RAB37: variants seen among roughly 807,000 people sequenced by gnomAD.
RAB37 encodes ras-related protein Rab-37.
A neutral mutation model predicts 33.1 loss-of-function variants in RAB37; 29 were observed. The observed-to-expected ratio is 0.88, with a 90% confidence interval of 0.65 to 1.20. The LOEUF (loss-of-function observed/expected upper bound fraction) is 1.20. RAB37 is among the 50% of genes most tolerant of loss of function. The probability of loss-of-function intolerance (pLI) is 0.00; values close to 1 mark genes in which losing one functional copy is unlikely to be tolerated. For synonymous variants in RAB37, 128 were observed against 119.5 expected (o/e 1.07, Z -0.47); for missense variants, 299 against 301.1 (o/e 0.99, Z 0.05).
chr17:74,684,599 C>G (rs1363386154), intron 1 of RAB37, among the ~76,000 whole-genome samples: 2 of 151,910 alleles, frequency 1.3e-5, no homozygotes, highest in African/African-American at 2.4e-5. Context: ...AACAGCCTGA[C>G]CAACATGACG....
intron 1 of RAB37, among the ~76,000 whole-genome samples, chr17:74,720,322 C>T (rs937024466): frequency 6.6e-5 from 10 of 152,176 alleles, no homozygotes; most frequent in African/African-American, 2.2e-4. Context: ...TGGTGGCTCA[C>T]GACTGTAATG....
chr17:74,690,733 A>G (rs2032143467), intron 1 of RAB37, among the ~76,000 whole-genome samples: 1 of 152,188 alleles, frequency 6.6e-6, no homozygotes, highest in Non-Finnish European at 1.5e-5. Context: ...GAGAGAACCC[A>G]GACACTTCCT....
Position 74,746,802 on chromosome 17 carries a change from C to T in RAB37, c.*1391C>T, listed in dbSNP as rs2034770536. On this transcript the variant is annotated 3_prime_UTR_variant, in exon 9 of 9. Coordinates refer to ENST00000392613, the MANE Select transcript of RAB37 (RefSeq NM_001006638.3). This position sits in a 1 kb window ranked among gnomAD's most constrained non-coding sequence, Gnocchi z 5.2. ...TTTCCTTTAACTTCTCAAACAGATA[C>T]CAGGGCCTAAACTGCTTTACCTCCC... 6.6e-6 allele frequency: 1 copy of T among 152,254 alleles called. No homozygotes were observed. The highest frequency in any genetic ancestry group is 2.4e-5 in the African/African-American group (1 of 41,438). The allele number at this position is 152,254 out of a possible 1,614,324, so 9.4% of individuals were successfully genotyped here.
At chr17:74,672,974 T>C (rs1568051233) in intron 1 of RAB37, 1 of 152,232 alleles carries the variant, frequency 6.6e-6, no homozygotes, top group Non-Finnish European at 1.5e-5. Flanking sequence ...CCTCCAGGTC[T>C]CTGAATTCCT....
chr17:74,726,106 G>C (rs2034302917), intron 1 of RAB37, among the ~76,000 whole-genome samples: 2 of 151,866 alleles, frequency 1.3e-5, no homozygotes, highest in Admixed American at 6.6e-5. Context: ...GTGGTGGCGG[G>C]CGCCTGTAGT....
intron 1 of RAB37, among the ~76,000 whole-genome samples, chr17:74,719,108 G>A (rs573659125): frequency 3.3e-5 from 5 of 152,264 alleles, no homozygotes; most frequent in African/African-American, 7.2e-5. Flanking sequence ...AGACATGGCC[G>A]AAAATACCAG....
chr17:74,693,105 G>A (rs572172503), intron 1 of RAB37, among the ~76,000 whole-genome samples: 3 of 152,332 alleles, frequency 2.0e-5, no homozygotes, highest in East Asian at 3.9e-4. Context: ...GAGGTGGGCT[G>A]CAGGGGCCAC....
At chr17:74,724,512 C>T (rs939092110) in intron 1 of RAB37, among the ~76,000 whole-genome samples, 1 of 152,172 alleles carries the variant, frequency 6.6e-6, no homozygotes, top group Non-Finnish European at 1.5e-5. Flanking sequence ...CTCATGTGTC[C>T]GTGTGAAGAG....
chr17:74,705,344 G>T (rs887380663), intron 1 of RAB37: 3 of 670,100 alleles, frequency 4.5e-6, no homozygotes, highest in African/African-American at 3.5e-5. Flanking sequence ...CTTTGAAGTT[G>T]ATCAAAACAG....
At chr17:74,735,111 C>A (rs760090876), upstream of RAB37, among the ~76,000 whole-genome samples, 4 of 138,536 alleles carry the variant, frequency 2.9e-5, no homozygotes, top group Admixed American at 3.1e-4. Context: ...GGAAGGAAGG[C>A]AGGCAGGCAA....
chr17:74,685,629 A>G (rs1432383146), intron 1 of RAB37, among the ~76,000 whole-genome samples: 2 of 152,106 alleles, frequency 1.3e-5, no homozygotes, highest in Non-Finnish European at 2.9e-5. Context: ...GAGAAACCCC[A>G]ATCCAAGCTT....
rs188905718 is a variant in RAB37, at chr17:74,712,553, T to A, written c.73-16703T>A. ...GCAGCCCATGTTCCTCCTCTGCTTT[T>A]CCCTGGCCGGCGGGGCCTACAGTCT... On this transcript the variant is annotated intron_variant, in intron 1 of 7. Transcript: ENST00000340415. 3.8e-3 allele frequency among the ~76,000 whole-genome samples: 577 copies of A among 152,356 alleles called. 6 individuals are homozygous for A. The highest frequency in any genetic ancestry group is 5.9e-3 in the Non-Finnish European group (403 of 68,034).
intron 1 of RAB37, among the ~76,000 whole-genome samples, chr17:74,722,293 A>AT (rs1285134648): frequency 6.6e-6 from 1 of 152,002 alleles, no homozygotes; most frequent in East Asian, 1.9e-4. Flanking sequence ...AAAAAAAAAA[A>AT]AAAAAAGAAA....
chr17:74,721,209 A>G (rs752460068), intron 1 of RAB37, among the ~76,000 whole-genome samples: 12 of 152,216 alleles, frequency 7.9e-5, no homozygotes, highest in Non-Finnish European at 1.5e-4. Context: ...CCGCAGGTCC[A>G]GGCTTGAGGG....
intron 2 of RAB37, among the ~76,000 whole-genome samples, chr17:74,731,953 C>T (rs934461072): frequency 1.3e-5 from 2 of 151,678 alleles, no homozygotes; most frequent in Admixed American, 6.6e-5. Flanking sequence ...GAGGTTGCGG[C>T]GAGCCAATAT....
intron 1 of RAB37, among the ~76,000 whole-genome samples, chr17:74,682,333 T>C (rs2031971612): frequency 6.6e-6 from 1 of 152,138 alleles, no homozygotes; most frequent in South Asian, 2.1e-4. Flanking sequence ...TCTGTCTCTC[T>C]CTCTCTCTCA....
intron 1 of RAB37, among the ~76,000 whole-genome samples, chr17:74,707,272 TCAAA>T (rs1254220367): frequency 6.6e-6 from 1 of 152,074 alleles, no homozygotes; most frequent in Non-Finnish European, 1.5e-5. Context: ...CATAAGGAAC[TCAAA>T]CAAATCAGTA....
rs567105929 is a variant in RAB37, at chr17:74,695,317, C to A, written c.72+23659C>A. ...AAGTGACGGTCACGGGGCAGAGGAG[C>A]CCTCGGAGGAGGATAGTGGGGATGG... On this transcript the variant is annotated intron_variant, in intron 1 of 7. Transcript: ENST00000340415. 3.8e-3 allele frequency: 5,950 copies of A among 1,584,644 alleles called. 22 individuals carry two copies. Among genetic ancestry groups the A allele is most frequent in the South Asian group, 8.8e-3 (772 of 87,396 alleles).
intron 2 of RAB37, among the ~76,000 whole-genome samples, chr17:74,731,695 T>C (rs2034385702): frequency 6.6e-6 from 1 of 152,168 alleles, no homozygotes; most frequent in Non-Finnish European, 1.5e-5. Flanking sequence ...TAAACACTGA[T>C]GCAAAATTCC....
Sources: allele counts gnomAD v4.1 joint callset (sites outside exome capture counted in the v4.1 genomes callset), GRCh38; gene constraint gnomAD v4.1.1; non-coding constraint Gnocchi (gnomAD v3.1); transcripts MANE v1.5; gene names NCBI Gene and HGNC (gene_info 2026-07-23, HGNC 2026-07-21).